PTGER3: variants seen among roughly 807,000 people sequenced by gnomAD.
PTGER3 encodes the protein prostaglandin E receptor 3, also known as prostaglandin E2 receptor EP3 subtype.
PTGER3 carries 22 observed loss-of-function variants against 34.7 expected under a neutral mutation model. The observed-to-expected ratio is 0.63, with a 90% confidence interval of 0.45 to 0.91. PTGER3 has a LOEUF of 0.91. PTGER3 is among the 40% of genes least tolerant of loss of function. PTGER3 has a pLI of 0.00. For missense variants in PTGER3, 468 were observed against 519.4 expected (o/e 0.90, Z 0.96); for synonymous variants, 241 against 230.1 (o/e 1.05, Z -0.43).
Position 71,012,395 on chromosome 1 carries a change from TAAG to T in PTGER3, c.984_986del (p.Phe328del), listed in dbSNP as rs749439105. 7.3e-5 allele frequency: 118 copies of T among 1,614,190 alleles called. No homozygotes were observed. In the African/African-American group the frequency reaches 1.1e-3, roughly 15 times the overall value. On this transcript the variant is annotated inframe_deletion, in exon 2 of 4. Transcript: ENST00000306666. ...TCAGTGAAGCCAGGCGAACAGCTAT[TAAG>T]AAGAAGTTGCATTCTTTCTGCTTCT...
At chr1:70,916,067 G>C (rs1647169233) in intron 4 of PTGER3, among the ~76,000 whole-genome samples, 2 of 151,852 alleles carry the variant, frequency 1.3e-5, no homozygotes, top group South Asian at 4.2e-4. Flanking sequence ...TTAAAAAAAT[G>C]AGTAAAGACC....
intron 3 of PTGER3, among the ~76,000 whole-genome samples, chr1:70,972,796 A>G (rs1653229268): frequency 6.6e-6 from 1 of 152,132 alleles, no homozygotes; most frequent in African/African-American, 2.4e-5. Flanking sequence ...TAACATAAGT[A>G]TGTAAAACAA....
intron 2 of PTGER3, among the ~76,000 whole-genome samples, chr1:70,954,882 T>C (rs755483714): frequency 6.6e-6 from 1 of 151,964 alleles, no homozygotes; most frequent in Non-Finnish European, 1.5e-5. Flanking sequence ...GAAAATGAAA[T>C]TAAAGTAAGG....
chr1:70,883,465 A>C (rs1239218090), intron 4 of PTGER3, among the ~76,000 whole-genome samples: 1 of 152,212 alleles, frequency 6.6e-6, no homozygotes, highest in Non-Finnish European at 1.5e-5. Flanking sequence ...GTGACTTAAG[A>C]AACTTCCCAA....
chr1:70,946,699 A>G (rs1467047065), intron 4 of PTGER3, among the ~76,000 whole-genome samples: 1 of 152,118 alleles, frequency 6.6e-6, no homozygotes, highest in Non-Finnish European at 1.5e-5. Context: ...AGTCCACTCA[A>G]CTGGCACAGT....
downstream of PTGER3, chr1:70,951,296 G>C (rs949926131): frequency 2.6e-5 from 4 of 152,108 alleles, no homozygotes; most frequent in South Asian, 2.1e-4. Flanking sequence ...TAGAGATACT[G>C]TATAACCTAT....
Position 71,029,139 on chromosome 1 carries a change from G to A in PTGER3, c.898-16655C>T, listed in dbSNP as rs188544851. On this transcript the variant is annotated intron_variant, in intron 1 of 3. Coordinates refer to ENST00000306666, the MANE Select transcript of PTGER3 (RefSeq NM_198719.2). ...ATGTATGCAAAACTCTTAAAGCTAG[G>A]ATTTATACCTTGATCTTCTTATTCC... 5.9e-3 allele frequency among the ~76,000 whole-genome samples: 905 copies of A among 152,270 alleles called. 5 individuals carry two copies. The highest frequency in any genetic ancestry group is 9.5e-3 in the Admixed American group (145 of 15,292).
intron 4 of PTGER3, among the ~76,000 whole-genome samples, chr1:70,918,235 T>C (rs1305023535): frequency 2.0e-5 from 3 of 152,010 alleles, no homozygotes; most frequent in Non-Finnish European, 2.9e-5. Flanking sequence ...CTCCACCATA[T>C]ACAAAAATCA....
At chr1:70,913,572 A>C (rs1351448401) in intron 4 of PTGER3, among the ~76,000 whole-genome samples, 6 of 151,970 alleles carry the variant, frequency 3.9e-5, no homozygotes, top group African/African-American at 1.4e-4. Flanking sequence ...CTTGAGAAGA[A>C]CACATTCAGC....
At chr1:71,011,127 ATC>A in intron 2 of PTGER3, 1 of 985,776 alleles carries the variant, frequency 1.0e-6, no homozygotes, top group Non-Finnish European at 1.2e-6. Context: ...TAATGTAGTG[ATC>A]TACTTGTGCA....
chr1:70,922,909 G>A (rs1237814853), intron 4 of PTGER3, among the ~76,000 whole-genome samples: 17 of 152,116 alleles, frequency 1.1e-4, no homozygotes, highest in African/African-American at 3.1e-4. Flanking sequence ...AGTTAAAGGG[G>A]TATTATTCCA....
chr1:71,042,924 G>A (rs1429879993), intron 1 of PTGER3, among the ~76,000 whole-genome samples: 1 of 152,202 alleles, frequency 6.6e-6, no homozygotes, highest in East Asian at 1.9e-4. Context: ...CAAGATTGAT[G>A]ATGAGAAACT....
At chr1:70,952,654 G>C in exon 4 of PTGER3, 1 of 1,095,680 alleles carries the variant, frequency 9.1e-7, no homozygotes, top group Non-Finnish European at 1.1e-6. Flanking sequence ...CAGCAGTCTT[G>C]GCAATTCTGA....
intron 4 of PTGER3, chr1:70,869,429 C>T (rs536614057): frequency 1.3e-4 from 46 of 360,484 alleles, no homozygotes; most frequent in African/African-American, 4.0e-4. Flanking sequence ...TCTCATGCTG[C>T]GAAATACAGT....
At chr1:71,024,053 A>C (rs975307241) in intron 1 of PTGER3, among the ~76,000 whole-genome samples, 1 of 152,168 alleles carries the variant, frequency 6.6e-6, no homozygotes, top group Non-Finnish European at 1.5e-5. Context: ...CCCTGAGTAT[A>C]AAGTCCAAAC....
chr1:70,973,121 CGTGT>C (rs71898506), intron 3 of PTGER3, among the ~76,000 whole-genome samples: 3,198 of 143,284 alleles, frequency 0.022, 70 homozygotes, highest in African/African-American at 0.053. Flanking sequence ...CCAGTGTGCA[CGTGT>C]GTGTGTGTGT....
intron 2 of PTGER3, among the ~76,000 whole-genome samples, chr1:70,996,889 C>T (rs1255126468): frequency 6.6e-6 from 1 of 152,094 alleles, no homozygotes; most frequent in African/African-American, 2.4e-5. Context: ...GTCTCGATCT[C>T]CTGACCTCGT....
At chr1:71,018,180 A>G (rs553838347) in intron 1 of PTGER3, among the ~76,000 whole-genome samples, 1 of 152,234 alleles carries the variant, frequency 6.6e-6, no homozygotes, top group Admixed American at 6.5e-5. Flanking sequence ...CTCTCAACCA[A>G]TGTTAAGAGG....
chr1:70,867,101 C>T (rs944417615), intron 4 of PTGER3, among the ~76,000 whole-genome samples: 1 of 152,200 alleles, frequency 6.6e-6, no homozygotes, highest in Non-Finnish European at 1.5e-5. Flanking sequence ...CTGCTGTTTC[C>T]TGAATAGACC....
Sources: gnomAD v4.1 joint callset for allele counts (sites outside exome capture counted in the v4.1 genomes callset) on GRCh38, gnomAD v4.1.1 for gene constraint, MANE v1.5 for transcripts, NCBI Gene and HGNC (gene_info 2026-07-23, HGNC 2026-07-21) for gene names.